The following DPY19L2 variants were observed in gnomAD, a reference collection of about 807,000 sequenced individuals.
DPY19L2 encodes the protein probable C-mannosyltransferase DPY19L2.
Under a neutral mutation model 97.9 loss-of-function variants are expected in DPY19L2, and 34 were observed. The ratio of observed to expected loss-of-function variants is 0.35; its 90% CI spans 0.26 to 0.46. DPY19L2 has a LOEUF of 0.46. DPY19L2 is among the 20% of genes least tolerant of loss of function. DPY19L2 has a pLI of 1.00. For missense variants in DPY19L2, 623 were observed against 911.4 expected, an observed-to-expected ratio of 0.68 and a Z score of 4.07; for synonymous variants, 230 against 307.9, an observed-to-expected ratio of 0.75 and a Z score of 2.65.
chr12:63,643,381 AC>A (rs1387120502), intron 6 of DPY19L2, among the ~76,000 whole-genome samples: 101 of 152,224 alleles, frequency 6.6e-4, no homozygotes, highest in African/African-American at 2.3e-3. Context: ...GTGTATATTT[AC>A]TAATCTCTAT....
intron 19 of DPY19L2, among the ~76,000 whole-genome samples, chr12:63,576,971 A>C (rs1282467865): frequency 1.3e-5 from 2 of 152,130 alleles, no homozygotes; most frequent in Admixed American, 6.6e-5. Flanking sequence ...GACCTAGAAT[A>C]GCCAAAGCTA....
At chr12:63,609,856 G>A (rs1244033842) in intron 11 of DPY19L2, among the ~76,000 whole-genome samples, 1 of 152,126 alleles carries the variant, frequency 6.6e-6, no homozygotes, top group African/African-American at 2.4e-5. Context: ...GTATCATTTA[G>A]TTGGTGTAGA....
chr12:63,567,436 A>G (rs1211922947), intron 21 of DPY19L2, among the ~76,000 whole-genome samples: 1 of 152,050 alleles, frequency 6.6e-6, no homozygotes, highest in Non-Finnish European at 1.5e-5. Flanking sequence ...GGTTATTTCT[A>G]GTAAATCGTA....
chr12:63,660,071 C>T (rs1895475534), intron 4 of DPY19L2, among the ~76,000 whole-genome samples: 1 of 152,110 alleles, frequency 6.6e-6, no homozygotes, highest in Non-Finnish European at 1.5e-5. Flanking sequence ...TGAGAAAATT[C>T]TAGACAGCAG....
intron 12 of DPY19L2, among the ~76,000 whole-genome samples, chr12:63,600,674 A>G (rs1402885484): frequency 6.6e-6 from 1 of 150,728 alleles, no homozygotes; most frequent in East Asian, 1.9e-4. Context: ...AGAAAGAAGG[A>G]AAAAGAAAAC....
intron 16 of DPY19L2, among the ~76,000 whole-genome samples, chr12:63,588,611 C>T (rs971815746): frequency 3.3e-5 from 5 of 151,790 alleles, no homozygotes; most frequent in African/African-American, 9.7e-5. Flanking sequence ...ATTTTTAAAG[C>T]CATTTTTAAA....
At chr12:63,602,260 A>C (rs1355567403) in intron 12 of DPY19L2, among the ~76,000 whole-genome samples, 1 of 152,064 alleles carries the variant, frequency 6.6e-6, no homozygotes, top group East Asian at 1.9e-4. Flanking sequence ...AGAAAAGGAG[A>C]ATACTATCAA....
intron 6 of DPY19L2, among the ~76,000 whole-genome samples, chr12:63,633,417 A>T (rs1891073789): frequency 1.3e-5 from 2 of 152,346 alleles, no homozygotes; most frequent in Non-Finnish European, 2.9e-5. Context: ...ATGAACAGAC[A>T]CTTCTCAAAA....
At position 63,650,464 on chromosome 12, in the gene DPY19L2, T is replaced by C. The variant is rs550113812; in HGVS notation, c.589-3099A>G. ...GCTCCTAGATATGTCTTTTTAAAAC[T>C]TCAGCAAACTTTCCGGATGTAAAAT... On this transcript the variant is annotated intron_variant, in intron 4 of 21. Transcript: ENST00000324472. Among the ~76,000 whole-genome samples, 3 of 152,280 alleles carry C rather than the reference T, an allele frequency of 2.0e-5. No individual in the cohort carries two copies. In the South Asian group the frequency reaches 6.2e-4, roughly 32 times the overall value.
rs190187944 is a variant in DPY19L2 at position 63,630,573 on chromosome 12, C to T, written c.804-4047G>A. Among the ~76,000 whole-genome samples, 30 of 152,118 alleles carry T rather than the reference C, an allele frequency of 2.0e-4. 1 individual carries two copies. The East Asian group carries it at 5.8e-3, about 29-fold the overall frequency. On this transcript the variant is annotated intron_variant, in intron 6 of 21. Coordinates refer to ENST00000324472, the MANE Select transcript of DPY19L2 (RefSeq NM_173812.5). ...AGCACCTAGATTCATAAAGCAAGTC[C>T]TGAGTGACCTACAAAGAGACTTAGA...
intron 6 of DPY19L2, among the ~76,000 whole-genome samples, chr12:63,632,943 T>A (rs1890974684): frequency 6.6e-6 from 1 of 152,014 alleles, no homozygotes; most frequent in African/African-American, 2.4e-5. Flanking sequence ...TTGACAAACT[T>A]GACAAAAACA....
At chr12:63,573,662 T>A (rs1256653690) in intron 19 of DPY19L2, among the ~76,000 whole-genome samples, 1 of 151,812 alleles carries the variant, frequency 6.6e-6, no homozygotes, top group Admixed American at 6.6e-5. Flanking sequence ...AGGTCAAGGA[T>A]AAAGAAAGGA....
At chr12:63,661,536 A>C (rs1312817211) in intron 3 of DPY19L2, 55 bp from the exon 4 acceptor site, 2 of 1,282,860 alleles carry the variant, frequency 1.6e-6, no homozygotes, top group Admixed American at 5.8e-5. Context: ...TAAAATATTT[A>C]TTTTTATCAC....
At chr12:63,636,973 A>C (rs1200239748) in intron 6 of DPY19L2, among the ~76,000 whole-genome samples, 1 of 152,194 alleles carries the variant, frequency 6.6e-6, no homozygotes, top group Non-Finnish European at 1.5e-5. Context: ...CAATATCAAC[A>C]AAATATACAT....
At chr12:63,630,535 C>G (rs1890417499) in intron 6 of DPY19L2, among the ~76,000 whole-genome samples, 1 of 152,082 alleles carries the variant, frequency 6.6e-6, no homozygotes, top group Non-Finnish European at 1.5e-5. Flanking sequence ...AATATATATG[C>G]ACCCAATACA....
intron 4 of DPY19L2, among the ~76,000 whole-genome samples, chr12:63,659,051 C>T (rs1895338221): frequency 6.6e-6 from 1 of 152,032 alleles, no homozygotes; most frequent in Admixed American, 6.6e-5. Context: ...TATCATATGT[C>T]AATTATACCT....
intron 4 of DPY19L2, among the ~76,000 whole-genome samples, chr12:63,650,685 CA>C (rs983674588): frequency 2.6e-5 from 4 of 152,004 alleles, no homozygotes; most frequent in Admixed American, 6.5e-5. Context: ...TGAAAGAAAT[CA>C]GGGGCAATAA....
intron 4 of DPY19L2, among the ~76,000 whole-genome samples, chr12:63,654,460 G>A (rs1184697432): frequency 1.3e-5 from 2 of 151,948 alleles, no homozygotes; most frequent in African/African-American, 2.4e-5. Flanking sequence ...AAATAAAATC[G>A]CAGACTTAAA....
chr12:63,642,336 T>C (rs772207224), intron 6 of DPY19L2, among the ~76,000 whole-genome samples: 11 of 150,162 alleles, frequency 7.3e-5, no homozygotes, highest in Non-Finnish European at 1.5e-4. Context: ...TGAAGTTCTT[T>C]TCATCAAATT....
Sources: allele counts gnomAD v4.1 joint callset (sites outside exome capture counted in the v4.1 genomes callset), GRCh38; gene constraint gnomAD v4.1.1; transcripts MANE v1.5; gene names NCBI Gene and HGNC (gene_info 2026-07-23, HGNC 2026-07-21).